The following ATF6 variants were observed in gnomAD, a reference collection of about 807,000 sequenced individuals.
The protein encoded by ATF6 is activating transcription factor 6.
Under a neutral mutation model 83.6 loss-of-function variants are expected in ATF6, and 53 were observed. The observed-to-expected ratio is 0.63, with a 90% CI of 0.51 to 0.80. ATF6 has a LOEUF of 0.80. ATF6 is among the 30% of genes least tolerant of loss of function. The pLI, the probability that ATF6 is intolerant of heterozygous loss-of-function variation, is 0.00. For synonymous variants in ATF6, 288 were observed against 285.8 expected, an observed-to-expected ratio of 1.01 and a Z score of -0.08; for missense variants, 744 against 797.9, an observed-to-expected ratio of 0.93 and a Z score of 0.81.
At chr1:161,826,875 G>A (rs538941611) in intron 9 of ATF6, among the ~76,000 whole-genome samples, 24 of 151,904 alleles carry the variant, frequency 1.6e-4, no homozygotes, top group African/African-American at 4.3e-4. Flanking sequence ...ATCAAATGTT[G>A]GGAATTGAGA....
intron 7 of ATF6, among the ~76,000 whole-genome samples, chr1:161,804,674 C>T (rs925499945): frequency 9.3e-6 from 1 of 107,864 alleles, no homozygotes; most frequent in Admixed American, 8.7e-5. Flanking sequence ...AGCAACCCCC[C>T]TGCCTTTTTT....
intron 15 of ATF6, among the ~76,000 whole-genome samples, chr1:161,915,781 C>T (rs1328258215): frequency 6.6e-6 from 1 of 152,006 alleles, no homozygotes; most frequent in East Asian, 1.9e-4. Context: ...ACATTCCACT[C>T]CCAGCTAATT....
In ATF6 at chr1:161,796,733, T is replaced by C. The variant is rs139401228; in HGVS notation, c.688+4406T>C. On this transcript the variant is annotated intron_variant, in intron 6 of 15. Transcript: ENST00000367942. ...GGTTTTGGGTGACCAGGATATTATT[T>C]TATATTAAAAGAGAGCCCTTATATT... is the stretch of plus-strand genomic sequence containing the variant. 1.6e-3 allele frequency among the ~76,000 whole-genome samples: 249 copies of C among 152,252 alleles called. 1 individual carries two copies. The highest frequency in any genetic ancestry group is 5.7e-3 in the African/African-American group (236 of 41,558).
chr1:161,942,305 A>C (rs181757164), intron 15 of ATF6, among the ~76,000 whole-genome samples: 1 of 152,238 alleles, frequency 6.6e-6, no homozygotes, highest in East Asian at 1.9e-4. Flanking sequence ...TTTCGTCTCC[A>C]TAAGACTGTG....
At chr1:161,782,850 A>G (rs895234841) in intron 3 of ATF6, among the ~76,000 whole-genome samples, 1 of 152,180 alleles carries the variant, frequency 6.6e-6, no homozygotes, top group African/African-American at 2.4e-5. Context: ...TTAGATTGCT[A>G]GAATCTATGG....
chr1:161,892,674 G>A (rs552870437), intron 14 of ATF6, among the ~76,000 whole-genome samples: 22 of 140,802 alleles, frequency 1.6e-4, no homozygotes, highest in Non-Finnish European at 2.4e-4. Context: ...CTGTCATCCA[G>A]GCTGGAGTGT....
chr1:161,914,085 A>T (rs535356237), intron 15 of ATF6, among the ~76,000 whole-genome samples: 1 of 152,346 alleles, frequency 6.6e-6, no homozygotes, highest in East Asian at 1.9e-4. Flanking sequence ...CTTTGTAAAT[A>T]GTCTTTTTAA....
At chr1:161,787,758 C>A (rs1040369936) in intron 4 of ATF6, among the ~76,000 whole-genome samples, 1 of 151,986 alleles carries the variant, frequency 6.6e-6, no homozygotes, top group Non-Finnish European at 1.5e-5. Context: ...AGATACAAAT[C>A]CAATTTTATG....
intron 7 of ATF6, among the ~76,000 whole-genome samples, chr1:161,809,701 G>A (rs1685407064): frequency 6.6e-6 from 1 of 151,836 alleles, no homozygotes. Context: ...TGTAATGATT[G>A]CCTGTTTCCT....
Position 161,910,036 on chromosome 1 carries a change from C to T in ATF6, c.1720-2260C>T, listed in dbSNP as rs540472149. ...CCTTTGTTTCTGAAAATGTGACTCA[C>T]AGTACTAATGATCTGAAAAAGAGTA... On this transcript the variant is annotated intron_variant, in intron 14 of 15. Transcript: ENST00000367942. Among the ~76,000 whole-genome samples, 5 of 152,188 alleles carry T rather than the reference C, an allele frequency of 3.3e-5. No homozygotes were observed. The South Asian group carries it at 1.0e-3, about 32-fold the overall frequency.
At chr1:161,944,927 C>A (rs1481454825) in intron 15 of ATF6, among the ~76,000 whole-genome samples, 1 of 151,004 alleles carries the variant, frequency 6.6e-6, no homozygotes, top group Non-Finnish European at 1.5e-5. Context: ...CAGCTCTATA[C>A]AAGTTTTGGC....
intron 2 of ATF6, 53 bp downstream of exon 2, chr1:161,778,373 A>G: frequency 6.9e-7 from 1 of 1,441,344 alleles, no homozygotes; most frequent in Non-Finnish European, 9.7e-7. Context: ...AACCCTAATT[A>G]TTGCAAGAAA....
rs10524670 is a variant in ATF6, at chr1:161,947,810, C to CTTTTTTT, written c.1805-10611_1805-10605dup. On this transcript the variant is annotated intron_variant, in intron 15 of 15. Transcript: ENST00000367942. ...ATATTCCATAGTCCTTAAGCCACGC[C>CTTTTTTT]TTTTTTTTTTTTTTTTTTTTTTTTT... Among the ~76,000 whole-genome samples, 269 of 57,576 alleles carry CTTTTTTT rather than the reference C, an allele frequency of 4.7e-3. 58 individuals carry two copies. The highest frequency in any genetic ancestry group is 0.016 in the African/African-American group (190 of 11,716). The allele number at this position is 57,576 out of a possible 152,430, so 37.8% of individuals were successfully genotyped here. A position where few individuals can be genotyped will look rare whatever the true frequency, so the allele number is the denominator to read the frequency against.
At chr1:161,886,701 A>C (rs1360772016) in intron 14 of ATF6, among the ~76,000 whole-genome samples, 1 of 152,228 alleles carries the variant, frequency 6.6e-6, no homozygotes, top group Admixed American at 6.5e-5. Flanking sequence ...CAGACACATC[A>C]TTATGTGGTG....
In ATF6 at chr1:161,802,041, T is replaced by G. The variant is rs779527962; in HGVS notation, c.689-11T>G. ...TGTACCCTTTGATTCCTTTTCTTTT[T>G]TCTAACGCAGGCCAGACGGTTTTGC... is the stretch of plus-strand genomic sequence containing the variant. On this transcript the variant is annotated splice_polypyrimidine_tract_variant and intron_variant, in intron 6 of 15. Coordinates refer to ENST00000367942, the MANE Select transcript of ATF6 (RefSeq NM_007348.4). The G allele has an allele frequency of 6.2e-7, 1 of 1,613,792 alleles. No individual in the cohort carries two copies.
In ATF6 at chr1:161,875,169, C is replaced by T. The variant is rs537391154; in HGVS notation, c.1719+11857C>T. Among the ~76,000 whole-genome samples the T allele has an allele frequency of 7.7e-4, 117 of 151,800 alleles. 1 individual carries two copies. Among genetic ancestry groups the T allele is most frequent in the African/African-American group, 2.6e-3 (108 of 41,498 alleles). ...TCAAAATATATGAAGAAAATCCAGC[C>T]TCACACAGAGATGTAATTGGAAAGG... On this transcript the variant is annotated intron_variant, in intron 14 of 15. Transcript: ENST00000367942.
At chr1:161,893,608 C>T (rs1010815163) in intron 14 of ATF6, among the ~76,000 whole-genome samples, 4 of 152,176 alleles carry the variant, frequency 2.6e-5, no homozygotes, top group East Asian at 1.9e-4. Context: ...AATAGAAAGA[C>T]GTCTTACTTC....
chr1:161,817,098 T>A (rs1024272651), intron 7 of ATF6, among the ~76,000 whole-genome samples: 1 of 152,228 alleles, frequency 6.6e-6, no homozygotes, highest in East Asian at 1.9e-4. Flanking sequence ...ATGGTTTTCA[T>A]TTTTTTAGTA....
chr1:161,848,465 A>G (rs909062845), intron 10 of ATF6, among the ~76,000 whole-genome samples: 2 of 152,156 alleles, frequency 1.3e-5, no homozygotes, highest in Non-Finnish European at 2.9e-5. Flanking sequence ...TTCTAATCCC[A>G]TAGTTTATAA....
Sources: allele counts gnomAD v4.1 joint callset (sites outside exome capture counted in the v4.1 genomes callset), GRCh38; gene constraint gnomAD v4.1.1; transcripts MANE v1.5; gene names NCBI Gene and HGNC (gene_info 2026-07-23, HGNC 2026-07-21).